The following REPS2 variants were observed in gnomAD, a reference collection of about 807,000 sequenced individuals.
The protein encoded by REPS2 is RALBP1 associated Eps domain containing 2, also known as ralBP1-associated Eps domain-containing protein 2.
REPS2 carries 23 observed loss-of-function variants against 53.6 expected under a neutral mutation model. The observed-to-expected ratio is 0.43, with a 90% CI of 0.31 to 0.61. The LOEUF is 0.61. Among genes scored for constraint, REPS2 ranks in the 20% least tolerant of loss-of-function variants. The pLI is 0.11. For missense variants in REPS2, 446 were observed against 534.9 expected (o/e 0.83, Z 1.64); for synonymous variants, 238 against 218.6 (o/e 1.09, Z -0.78).
chrX:16,947,100 G>C lies in REPS2; in HGVS notation c.239G>C (p.Arg80Pro). 1 of 1,098,923 alleles carries C rather than the reference G, an allele frequency of 9.1e-7. No individual in the cohort carries two copies. Among genetic ancestry groups the C allele is most frequent in the Non-Finnish European group, 1.2e-6 (1 of 845,807 alleles). The allele number at this position is 1,098,923 out of a possible 1,213,427, so 90.6% of individuals were successfully genotyped here. A position where few individuals can be genotyped will look rare whatever the true frequency, so the allele number is the denominator to read the frequency against. ...GCCGGCCCCGTGGCTGACCTGTTTC[G>C]GGCATCGCAGCTGCCCGCCGAGACG... ...AAAGPVADLF[R>P]ASQLPAETLH... The change falls in exon 1 of 18, where the codon CGG becomes CCG. Residue 80 changes from arginine (R) to proline (P), a missense_variant. Arg to Pro is a moderately radical substitution (Grantham distance 103, BLOSUM62 -2). Transcript: ENST00000357277.
chrX:17,077,456 GC>G, intron 13 of REPS2, 49 bp downstream of exon 13: 1 of 1,125,963 alleles, frequency 8.9e-7, no homozygotes, highest in South Asian at 2.2e-5. Context: ...GTTGGAGCCA[GC>G]GGATGTGTGT....
chrX:17,157,957 C>T (rs1425621996), downstream of REPS2, among the ~76,000 whole-genome samples: 2 of 111,777 alleles, frequency 1.8e-5, no homozygotes, highest in Non-Finnish European at 3.8e-5. Context: ...GGGACTGTGG[C>T]AAATTGGAGA....
chrX:17,014,140 G>A (rs1440907896), intron 2 of REPS2, among the ~76,000 whole-genome samples: 1 of 111,988 alleles, frequency 8.9e-6, no homozygotes, highest in Admixed American at 9.5e-5. Context: ...CCTAGAGCTG[G>A]TTCATGGAGC....
At chrX:16,964,597 T>G (rs1337881710) in intron 1 of REPS2, among the ~76,000 whole-genome samples, 1 of 109,113 alleles carries the variant, frequency 9.2e-6, no homozygotes, top group African/African-American at 3.3e-5. Flanking sequence ...CACTTCCCAG[T>G]AGGTGCCGCC....
At chrX:17,179,568 CAG>C in the REPS2 span, among the ~76,000 whole-genome samples, 1 of 111,842 alleles carries the variant, frequency 8.9e-6, no homozygotes, top group Non-Finnish European at 1.9e-5. Context: ...CCACTGAAAA[CAG>C]AGATGATCCA....
the REPS2 span, among the ~76,000 whole-genome samples, chrX:17,186,057 G>A: frequency 8.4e-4 from 95 of 112,762 alleles, no homozygotes; most frequent in African/African-American, 2.8e-3. Flanking sequence ...CCTCACACCT[G>A]AACTGTTTCA....
At chrX:16,956,284 G>GTTTTTTTTTTT (rs869259012) in intron 1 of REPS2, among the ~76,000 whole-genome samples, 2 of 24,747 alleles carry the variant, frequency 8.1e-5, no homozygotes, top group Admixed American at 8.4e-4. Context: ...AACCACAGCA[G>GTTTTTTTTTTT]TTTTTTTTTT....
chrX:17,156,902 G>A (rs1324899647), downstream of REPS2, among the ~76,000 whole-genome samples: 1 of 111,848 alleles, frequency 8.9e-6, no homozygotes, highest in Non-Finnish European at 1.9e-5. Flanking sequence ...GAGAGGCAGA[G>A]GTAATGGTGG....
chrX:17,027,204 C>T (rs138343790), intron 4 of REPS2, among the ~76,000 whole-genome samples: 182 of 111,638 alleles, frequency 1.6e-3, no homozygotes, highest in Non-Finnish European at 3.0e-3. Flanking sequence ...TGACCCTCTC[C>T]GGTCACTCCC....
chrX:17,106,636 G>A (rs779216853), intron 14 of REPS2, among the ~76,000 whole-genome samples: 9 of 110,370 alleles, frequency 8.2e-5, no homozygotes, highest in Non-Finnish European at 1.5e-4. Flanking sequence ...GGATGATCTC[G>A]ATCTCCTGAC....
chrX:17,099,461 A>AT (rs777793996), intron 13 of REPS2, among the ~76,000 whole-genome samples: 2 of 111,394 alleles, frequency 1.8e-5, no homozygotes, highest in South Asian at 7.7e-4. Flanking sequence ...TATCTACAGT[A>AT]TTTTTTTGCT....
At chrX:17,122,411 T>C (rs1024851644) in intron 14 of REPS2, among the ~76,000 whole-genome samples, 3 of 112,588 alleles carry the variant, frequency 2.7e-5, no homozygotes, top group African/African-American at 9.7e-5. Flanking sequence ...CCATTGTATG[T>C]GCAAATATAA....
chrX:17,034,297 A>G (rs1171589022), intron 5 of REPS2, among the ~76,000 whole-genome samples: 1 of 111,133 alleles, frequency 9.0e-6, no homozygotes, highest in Non-Finnish European at 1.9e-5. Context: ...ATGTATTTAT[A>G]TATTTATTTA....
At chrX:17,064,935 T>G (rs908340070) in intron 9 of REPS2, among the ~76,000 whole-genome samples, 1 of 112,895 alleles carries the variant, frequency 8.9e-6, no homozygotes, top group Non-Finnish European at 1.9e-5. Context: ...CAAGGTTCAC[T>G]CAGATCATAA....
chrX:17,051,198 T>A (rs1328433199), intron 6 of REPS2, among the ~76,000 whole-genome samples: 1 of 111,952 alleles, frequency 8.9e-6, no homozygotes, highest in African/African-American at 3.2e-5. Context: ...TCTCATTATT[T>A]TTTTTTAATG....
chrX:17,151,411 C>G lies in REPS2; in HGVS notation c.*3930C>G, dbSNP rs1291317738. 8.9e-6 allele frequency: 1 copy of G among 112,584 alleles called. No individual in the cohort carries two copies. Among genetic ancestry groups the G allele is most frequent in the East Asian group, 2.8e-4 (1 of 3,604 alleles). The allele number at this position is 112,584 out of a possible 1,213,427, so 9.3% of individuals were successfully genotyped here. A position where few individuals can be genotyped will look rare whatever the true frequency, so the allele number is the denominator to read the frequency against. ...GCCATGGTAATAATAGATGTGTACT[C>G]AGAAGATCAATAAGGTAATATTGGA... On this transcript the variant is annotated 3_prime_UTR_variant, in exon 18 of 18. Transcript: ENST00000357277.
intron 1 of REPS2, among the ~76,000 whole-genome samples, chrX:16,965,337 G>A (rs865954104): frequency 9.8e-5 from 11 of 111,870 alleles, no homozygotes; most frequent in East Asian, 5.7e-4. Context: ...CCTCCCTCCC[G>A]GACGGGGCGG....
Position 17,148,017 on chromosome X carries a change from CCTCTACCACTATATGCCAAAAATTGCTT to C in REPS2, c.*542_*569del. ...CATCAGATTTAGACTGGCGCTGTGC[CCTCTACCACTATATGCCAAAAATTGCTT>C]CTCTAGTGCCATTTTGATATTATAT... On this transcript the variant is annotated 3_prime_UTR_variant, in exon 18 of 18. Transcript: ENST00000357277. 1 of 112,060 alleles carries C rather than the reference CCTCTACCACTATATGCCAAAAATTGCTT, an allele frequency of 8.9e-6. No individual in the cohort carries two copies. The highest frequency in any genetic ancestry group is 3.7e-4 in the South Asian group (1 of 2,670). 9.2% of individuals were successfully genotyped at this position (112,060 alleles called of 1,213,427 possible).
rs113475875 is a variant in REPS2 at position 17,029,881 on chromosome X, G to A, written c.771+258G>A. 4.9e-3 allele frequency among the ~76,000 whole-genome samples: 554 copies of A among 112,003 alleles called. 3 individuals carry two copies. The highest frequency in any genetic ancestry group is 0.017 in the African/African-American group (529 of 30,832). ...TTTAGTATATCTAAAATGTCCCTCTGCCTTCACCTATCTAATCATTAGCCA... is the reference window on the plus strand; with the variant it reads ...TTTAGTATATCTAAAATGTCCCTCTACCTTCACCTATCTAATCATTAGCCA... On this transcript the variant is annotated intron_variant, in intron 5 of 17. Transcript: ENST00000357277.
Sources: allele counts gnomAD v4.1 joint callset (sites outside exome capture counted in the v4.1 genomes callset), GRCh38; gene constraint gnomAD v4.1.1; transcripts MANE v1.5; gene names NCBI Gene and HGNC (gene_info 2026-07-23, HGNC 2026-07-21).